Variants in STAG1 observed in about 807,000 individuals in gnomAD.
STAG1 encodes cohesin subunit SA-1.
STAG1 carries 26 observed loss-of-function variants against 170.9 expected under a neutral mutation model. The ratio of observed to expected loss-of-function variants is 0.15; its 90% confidence interval spans 0.11 to 0.21. The LOEUF (loss-of-function observed/expected upper bound fraction) is 0.21. Ranked by LOEUF, STAG1 falls within the 10% of genes least tolerant of loss-of-function variation. STAG1 has a pLI of 1.00. For missense variants in STAG1, 964 were observed against 1,509.5 expected (o/e 0.64, Z 5.99); for synonymous variants, 514 against 497.7 (o/e 1.03, Z -0.44).
intron 13 of STAG1, among the ~76,000 whole-genome samples, chr3:136,452,381 G>A (rs936663311): frequency 6.6e-6 from 1 of 151,764 alleles, no homozygotes; most frequent in Non-Finnish European, 1.5e-5. Context: ...TGGCTAACAC[G>A]GTGAAATCCC....
At chr3:136,464,626 T>G (rs1000502691) in intron 13 of STAG1, among the ~76,000 whole-genome samples, 1 of 152,148 alleles carries the variant, frequency 6.6e-6, no homozygotes, top group African/African-American at 2.4e-5. Flanking sequence ...CATGCATTCC[T>G]CCAATCTCCA....
intron 1 of STAG1, among the ~76,000 whole-genome samples, chr3:136,657,780 C>T (rs1287656224): frequency 1.3e-5 from 2 of 152,140 alleles, no homozygotes; most frequent in African/African-American, 4.8e-5. Flanking sequence ...CAAGATGGCA[C>T]CACTGCACTC....
chr3:136,505,056 A>G (rs1034202482), intron 7 of STAG1, among the ~76,000 whole-genome samples: 7 of 152,252 alleles, frequency 4.6e-5, no homozygotes, highest in African/African-American at 1.7e-4. Context: ...CAGCTATTAA[A>G]AACAAACCTC....
At chr3:136,583,348 T>A (rs1172895663) in intron 4 of STAG1, among the ~76,000 whole-genome samples, 1 of 152,154 alleles carries the variant, frequency 6.6e-6, no homozygotes, top group Non-Finnish European at 1.5e-5. Context: ...ACAAAAAAAA[T>A]TCTACAAAAT....
At position 136,369,205 on chromosome 3, in the gene STAG1, A is replaced by C; in HGVS notation, c.2448T>G (p.Pro816=). ...LMTGGREGLQ[P]LVFNPDTGLQ... is the part of the protein sequence containing the mutation. ...GTCCAGTATCTGGATTGAACACCAAAGGCTGAAGGCCCTCTCTGCCACCTG... is the reference window on the plus strand; with the variant it reads ...GTCCAGTATCTGGATTGAACACCAACGGCTGAAGGCCCTCTCTGCCACCTG... The change falls in exon 24 of 34, where the codon CCT becomes CCG. Residue 816 remains proline (P), a synonymous_variant. Coordinates refer to ENST00000383202, the MANE Select transcript of STAG1 (RefSeq NM_005862.3). The C allele has an allele frequency of 6.2e-7, 1 of 1,605,634 alleles. No individual in the cohort carries two copies. Among genetic ancestry groups the C allele is most frequent in the Non-Finnish European group, 8.5e-7 (1 of 1,177,916 alleles).
intron 1 of STAG1, among the ~76,000 whole-genome samples, chr3:136,653,040 C>T (rs568770321): frequency 3.9e-5 from 6 of 152,066 alleles, no homozygotes; most frequent in South Asian, 2.1e-4. Context: ...TTTGGGAGGC[C>T]GAGGCAGGCA....
intron 1 of STAG1, among the ~76,000 whole-genome samples, chr3:136,716,023 G>A (rs931186404): frequency 2.0e-5 from 3 of 152,156 alleles, no homozygotes; most frequent in South Asian, 4.2e-4. Context: ...GCTTGAACCT[G>A]GGAGGTGGAG....
intron 16 of STAG1, among the ~76,000 whole-genome samples, chr3:136,426,655 G>A (rs182238412): frequency 1.4e-3 from 213 of 152,174 alleles, no homozygotes; most frequent in Middle Eastern, 6.8e-3. Context: ...ATACAGTATC[G>A]TGGCTAGGAA....
rs1195084867 is a variant in STAG1 at position 136,558,182 on chromosome 3, G to A, written c.394+10583C>T. On this transcript the variant is annotated intron_variant, in intron 5 of 33. Transcript: ENST00000383202. ...CAAGGTGGGCAGGTCACCTGAGGTC[G>A]GGAGTTTGAGACCGGCCTGGCCAAC... 3.9e-5 allele frequency among the ~76,000 whole-genome samples: 6 copies of A among 152,190 alleles called. No homozygotes were observed. The South Asian group carries it at 6.2e-4, about 16-fold the overall frequency.
At chr3:136,751,815 G>A (rs1335373113) in intron 1 of STAG1, among the ~76,000 whole-genome samples, 4 of 151,216 alleles carry the variant, frequency 2.6e-5, no homozygotes, top group African/African-American at 9.7e-5. Flanking sequence ...GGGCGGGGGG[G>A]GGCGGAGGGC....
At chr3:136,579,958 A>ATTTTTTTTTTTTTTTTTTTTTTTTTTT (rs749325884) in intron 4 of STAG1, among the ~76,000 whole-genome samples, 3 of 73,646 alleles carry the variant, frequency 4.1e-5, no homozygotes, top group African/African-American at 5.9e-5. Context: ...TACCATCTGA[A>ATTTTTTTTTTTTTTTTTTTTTTTTTTT]TTTTTTTTTT....
intron 22 of STAG1, among the ~76,000 whole-genome samples, chr3:136,387,684 T>C (rs2086907822): frequency 6.6e-6 from 1 of 152,164 alleles, no homozygotes; most frequent in African/African-American, 2.4e-5. Flanking sequence ...CTATTTGATA[T>C]TTAAACCCCA....
At chr3:136,411,617 C>T (rs1389483634) in intron 21 of STAG1, among the ~76,000 whole-genome samples, 1 of 152,016 alleles carries the variant, frequency 6.6e-6, no homozygotes. Context: ...GACCCTGAAA[C>T]ATATTCGTGT....
At chr3:136,652,381 G>C (rs1941247673) in intron 1 of STAG1, among the ~76,000 whole-genome samples, 1 of 152,232 alleles carries the variant, frequency 6.6e-6, no homozygotes, top group Non-Finnish European at 1.5e-5. Context: ...TTTGCCTCAA[G>C]AACACATTTT....
intron 23 of STAG1, among the ~76,000 whole-genome samples, chr3:136,369,528 T>G (rs1322402919): frequency 1.3e-5 from 2 of 152,142 alleles, no homozygotes; most frequent in East Asian, 3.8e-4. Flanking sequence ...CTGTATCAAC[T>G]CAAAAATAGC....
intron 25 of STAG1, among the ~76,000 whole-genome samples, chr3:136,364,751 T>C (rs1937011933): frequency 6.6e-6 from 1 of 152,230 alleles, no homozygotes; most frequent in Non-Finnish European, 1.5e-5. Flanking sequence ...TTTAAAACCA[T>C]TAAATCTGGA....
rs1295936629 is a variant in STAG1, at chr3:136,370,537, T to A, written c.2371-1255A>T. On this transcript the variant is annotated intron_variant, in intron 23 of 33. Coordinates refer to ENST00000383202, the MANE Select transcript of STAG1 (RefSeq NM_005862.3). Reference sequence around the variant, plus strand: ...CCCCCCACCCCACAACAGTCCCCAGTGTGTGATGTTCCCCTTCCTGTGTCC... The same window carrying A: ...CCCCCCACCCCACAACAGTCCCCAGAGTGTGATGTTCCCCTTCCTGTGTCC... Among the ~76,000 whole-genome samples, 6 of 152,110 alleles carry A rather than the reference T, an allele frequency of 3.9e-5. 1 individual carries two copies. In the Middle Eastern group the frequency reaches 0.017, roughly 431 times the overall value.
At chr3:136,353,597 G>C (rs1243327231) in intron 28 of STAG1, among the ~76,000 whole-genome samples, 1 of 152,212 alleles carries the variant, frequency 6.6e-6, no homozygotes, top group Non-Finnish European at 1.5e-5. Context: ...ACTATCAAAC[G>C]AGAATCTTAC....
chr3:136,626,852 C>T (rs982064665), intron 2 of STAG1, among the ~76,000 whole-genome samples: 51 of 152,332 alleles, frequency 3.3e-4, no homozygotes, highest in African/African-American at 1.2e-3. Flanking sequence ...TGTCCACAGT[C>T]GCACACTTAG....
Sources: allele counts gnomAD v4.1 joint callset (sites outside exome capture counted in the v4.1 genomes callset), GRCh38; gene constraint gnomAD v4.1.1; transcripts MANE v1.5; gene names NCBI Gene and HGNC (gene_info 2026-07-23, HGNC 2026-07-21).